UTP20: variants seen among roughly 807,000 people sequenced by gnomAD.
The protein encoded by UTP20 is UTP20 small subunit processome component.
UTP20 carries 164 observed loss-of-function variants against 329.5 expected under a neutral mutation model. The ratio of observed to expected loss-of-function variants is 0.50; its 90% confidence interval spans 0.44 to 0.57. UTP20 has a LOEUF of 0.57. Ranked by LOEUF, UTP20 falls within the 20% of genes least tolerant of loss-of-function variation. The probability of loss-of-function intolerance (pLI) is 0.00; values close to 1 mark genes in which losing one functional copy is unlikely to be tolerated. For missense variants in UTP20, 3,055 were observed against 3,284.2 expected, an observed-to-expected ratio of 0.93 and a Z score of 1.71; for synonymous variants, 1,151 against 1,159.3, an observed-to-expected ratio of 0.99 and a Z score of 0.14.
rs1868819232 is a variant in UTP20, at chr12:101,333,284, A to G, written c.3418-17A>G. On this transcript the variant is annotated splice_polypyrimidine_tract_variant and intron_variant, in intron 27 of 61. Coordinates refer to ENST00000261637, the MANE Select transcript of UTP20 (RefSeq NM_014503.3). ...GATACATATGTATTTTTTGAACAGAAGATCTTTGTTTTACAGATACAGCTG... is the reference window on the plus strand; with the variant it reads ...GATACATATGTATTTTTTGAACAGAGGATCTTTGTTTTACAGATACAGCTG... 6.2e-7 allele frequency: 1 copy of G among 1,609,486 alleles called. No homozygotes were observed. Among genetic ancestry groups the G allele is most frequent in the African/African-American group, 1.3e-5 (1 of 74,600 alleles).
chr12:101,357,867 T>C (rs1869776796), intron 43 of UTP20, among the ~76,000 whole-genome samples: 1 of 152,226 alleles, frequency 6.6e-6, no homozygotes, highest in Admixed American at 6.5e-5. Flanking sequence ...CAGCAGCATC[T>C]GAGGGGTTGT....
chr12:101,290,309 G>A lies in UTP20; in HGVS notation c.735+35G>A. On this transcript the variant is annotated intron_variant, in intron 7 of 61. Transcript: ENST00000261637. ...GGGGAGGGGTGCTTAGAGTCTATGT[G>A]GATGGATGAAACAGAAAGTAGAAAA... The A allele has an allele frequency of 4.5e-6, 7 of 1,552,118 alleles. No homozygotes were observed. In the South Asian group the frequency reaches 5.1e-5, roughly 11 times the overall value.
At chr12:101,321,306 C>G (rs1445233181) in intron 24 of UTP20, among the ~76,000 whole-genome samples, 198 bp from the exon 25 acceptor site, 3 of 152,128 alleles carry the variant, frequency 2.0e-5, no homozygotes, top group Non-Finnish European at 2.9e-5. Flanking sequence ...CTAATCTTTT[C>G]TAATCCGTTA....
At chr12:101,330,391 G>A (rs1307697749) in intron 27 of UTP20, among the ~76,000 whole-genome samples, 2 of 152,234 alleles carry the variant, frequency 1.3e-5, no homozygotes, top group East Asian at 1.9e-4. Flanking sequence ...GAGGTAGGTC[G>A]TAGGGGCTCT....
chr12:101,334,465 C>G lies in UTP20; in HGVS notation c.3602C>G (p.Pro1201Arg). The change falls in exon 29 of 62, where the codon CCT (proline) becomes CGT (arginine). Residue 1201 changes from proline to arginine, a missense_variant. Pro to Arg is a moderately radical substitution (Grantham distance 103). Coordinates refer to ENST00000261637, the MANE Select transcript of UTP20 (RefSeq NM_014503.3). The part of the protein sequence containing the change: ...LGSESQYSPT[P>R]LLKLISIWSR... ...TCTGAGAGTCAATATTCTCCTACTC[C>G]TCTGCTGAAACTGATCAGTATCTGG... is the stretch of plus-strand genomic sequence containing the variant. 1 of 1,612,218 alleles carries G rather than the reference C, an allele frequency of 6.2e-7. No individual in the cohort carries two copies.
intron 5 of UTP20, among the ~76,000 whole-genome samples, chr12:101,288,335 T>C (rs1872025798): frequency 6.6e-6 from 1 of 152,240 alleles, no homozygotes; most frequent in Non-Finnish European, 1.5e-5. Flanking sequence ...AACAATGTGA[T>C]TATATATAAG....
At chr12:101,333,189 A>G (rs1172559145) in intron 27 of UTP20, 112 bp from the exon 28 acceptor site, 12 of 1,020,890 alleles carry the variant, frequency 1.2e-5, no homozygotes, top group African/African-American at 1.6e-5. Flanking sequence ...CAGATTTAGT[A>G]ACAGGATTTC....
At position 101,386,245 on chromosome 12, in the gene UTP20, T is replaced by TGTCA; in HGVS notation, c.*123_*126dup. On this transcript the variant is annotated 3_prime_UTR_variant, in exon 62 of 62. Transcript: ENST00000261637. ...TTTTTTTTGAGACAAGGTCTCACTC[T>TGTCA]GTCACCCAAGGTGGAGTGCAGTGAC... 1 of 903,236 alleles carries TGTCA rather than the reference T, an allele frequency of 1.1e-6. No individual in the cohort carries two copies. 56.0% of individuals were successfully genotyped at this position (903,236 alleles called of 1,614,324 possible). A position where few individuals can be genotyped will look rare whatever the true frequency, so the allele number is the denominator to read the frequency against.
intron 18 of UTP20, 80 bp from the exon 19 acceptor site, chr12:101,309,683 T>C (rs1435735692): frequency 7.1e-7 from 1 of 1,414,986 alleles, no homozygotes; most frequent in Non-Finnish European, 9.8e-7. Context: ...GTTGTCCAAC[T>C]TGGGATGTTT....
chr12:101,348,677 G>A (rs574575192), intron 38 of UTP20, among the ~76,000 whole-genome samples: 1 of 150,270 alleles, frequency 6.7e-6, no homozygotes, highest in South Asian at 2.1e-4. Context: ...GTTGTGGCAG[G>A]AAACAAAGGA....
At position 101,289,009 on chromosome 12, in the gene UTP20, G is replaced by A. The variant is rs764407781; in HGVS notation, c.565G>A (p.Ala189Thr). The change falls in exon 6 of 62, where the codon GCT becomes ACT. Residue 189 changes from alanine (A) to threonine (T), a missense_variant. Coordinates refer to ENST00000261637, the MANE Select transcript of UTP20 (RefSeq NM_014503.3). ...TAAAAAACTACATATAAGAAATTTT[G>A]CTGCTGAAAGTTTTACTTTTTTGAT... The part of the protein sequence containing the change: ...AHKKLHIRNF[A>T]AESFTFLMRK... The A allele has an allele frequency of 1.4e-5, 22 of 1,613,626 alleles. No individual in the cohort carries two copies. The African/African-American group carries it at 2.4e-4, about 18-fold the overall frequency.
chr12:101,342,983 G>T lies in UTP20; in HGVS notation c.4339G>T (p.Asp1447Tyr). 6.2e-7 allele frequency: 1 copy of T among 1,613,674 alleles called. No homozygotes were observed. The highest frequency in any genetic ancestry group is 8.5e-7 in the Non-Finnish European group (1 of 1,179,914). ...AAGACATCTTGATGATATCAACTTCGACGTTCGCTTTGAGACTTTCCAGAC... is the reference window on the plus strand; with the variant it reads ...AAGACATCTTGATGATATCAACTTCTACGTTCGCTTTGAGACTTTCCAGAC... Reference protein sequence around the residue: ...DQRHLDDINFDVRFETFQTIT... With the variant: ...DQRHLDDINFYVRFETFQTIT... The change falls in exon 35 of 62, where the codon GAC (aspartate) becomes TAC (tyrosine). Residue 1447 changes from aspartate to tyrosine, a missense_variant. Asp to Tyr is a radical substitution (Grantham distance 160). Coordinates refer to ENST00000261637, the MANE Select transcript of UTP20 (RefSeq NM_014503.3).
intron 45 of UTP20, among the ~76,000 whole-genome samples, chr12:101,364,621 G>A (rs1311642912): frequency 6.6e-6 from 1 of 152,122 alleles, no homozygotes; most frequent in African/African-American, 2.4e-5. Context: ...TGATTTCTGT[G>A]CCTGTTGCAG....
intron 3 of UTP20, 47 bp from the exon 4 acceptor site, chr12:101,285,702 A>G: frequency 3.1e-6 from 5 of 1,613,318 alleles, no homozygotes; most frequent in Non-Finnish European, 4.2e-6. Context: ...CATACAGCTG[A>G]ATAGTGGTGT....
intron 29 of UTP20, among the ~76,000 whole-genome samples, chr12:101,336,254 A>G (rs536076593): frequency 6.6e-6 from 1 of 152,346 alleles, no homozygotes; most frequent in East Asian, 1.9e-4. Context: ...GAACGAATGA[A>G]TATTTCAGAA....
chr12:101,313,344 A>G (rs1475880370), intron 21 of UTP20, among the ~76,000 whole-genome samples: 1 of 152,140 alleles, frequency 6.6e-6, no homozygotes, highest in African/African-American at 2.4e-5. Context: ...GTTGGAGATG[A>G]GGGCAGAAAG....
At chr12:101,385,138 C>T (rs1438350098) in intron 60 of UTP20, among the ~76,000 whole-genome samples, 2 of 151,906 alleles carry the variant, frequency 1.3e-5, no homozygotes, top group Non-Finnish European at 2.9e-5. Context: ...AGAGCTAAGC[C>T]TCTGTGACCC....
In UTP20 at chr12:101,305,778, C is replaced by T. The variant is rs531733714; in HGVS notation, c.1782-137C>T. 499 of 977,958 alleles carry T rather than the reference C, an allele frequency of 5.1e-4. 2 individuals are homozygous for T. The highest frequency in any genetic ancestry group is 5.8e-4 in the Non-Finnish European group (417 of 717,040). 60.6% of individuals were successfully genotyped at this position (977,958 alleles called of 1,614,324 possible). A position where few individuals can be genotyped will look rare whatever the true frequency, so the allele number is the denominator to read the frequency against. On this transcript the variant is annotated intron_variant, in intron 15 of 61. Coordinates refer to ENST00000261637, the MANE Select transcript of UTP20 (RefSeq NM_014503.3). ...TCAGATTCTTCATCTATGAAGTGAG[C>T]CAGATATCCACGTGAGACTTTTGCC... is the stretch of plus-strand genomic sequence containing the variant.
At position 101,327,167 on chromosome 12, in the gene UTP20, G is replaced by T; in HGVS notation, c.3128G>T (p.Arg1043Leu). Reference protein sequence around the residue: ...ASGTRMAIVLRFLAGTQPEEI... With the variant: ...ASGTRMAIVLLFLAGTQPEEI... Reference sequence around the variant, plus strand: ...GGCACCCGCATGGCCATTGTCCTGCGGTTCCTGGCCGGGACCCAACCTGAG... The same window carrying T: ...GGCACCCGCATGGCCATTGTCCTGCTGTTCCTGGCCGGGACCCAACCTGAG... The change falls in exon 26 of 62, where the codon CGG becomes CTG. Residue 1043 changes from arginine (R) to leucine (L), a missense_variant. By Grantham distance (102) the Arg-to-Leu change is moderately radical. This residue lies in a region of UTP20 where 2,445 missense variants were observed against 2,575.5 expected (regional missense o/e 0.95). Transcript: ENST00000261637. The T allele has an allele frequency of 6.2e-7, 1 of 1,613,140 alleles. No homozygotes were observed. Among genetic ancestry groups the T allele is most frequent in the Non-Finnish European group, 8.5e-7 (1 of 1,179,174 alleles).
Sources: gnomAD v4.1 joint callset for allele counts (sites outside exome capture counted in the v4.1 genomes callset) on GRCh38, gnomAD v4.1.1 for gene constraint, gnomAD v4.1.1 regional missense constraint, MANE v1.5 for transcripts, NCBI Gene and HGNC (gene_info 2026-07-23, HGNC 2026-07-21) for gene names.